The following FYB1 variants were observed in gnomAD, a reference collection of about 807,000 sequenced individuals.
The protein encoded by FYB1 is FYN-binding protein 1.
A neutral mutation model predicts 94.1 loss-of-function variants in FYB1; 41 were observed. The observed-to-expected ratio is 0.44, with a 90% CI of 0.34 to 0.57. The LOEUF (loss-of-function observed/expected upper bound fraction) is 0.57, where lower values mean the gene tolerates loss of function less well. Among genes scored for constraint, FYB1 ranks in the 20% least tolerant of loss-of-function variants. The pLI, the probability that FYB1 is intolerant of heterozygous loss-of-function variation, is 0.02. For missense variants in FYB1, 1,050 were observed against 976.8 expected (o/e 1.07, Z -1.00); for synonymous variants, 367 against 353.2 (o/e 1.04, Z -0.44).
chr5:39,262,808 G>A (rs992076040), intron 1 of FYB1, among the ~76,000 whole-genome samples: 14 of 151,726 alleles, frequency 9.2e-5, no homozygotes, highest in Non-Finnish European at 1.6e-4. Flanking sequence ...CAGAAATCAT[G>A]AAAAAAAATC....
intron 1 of FYB1, among the ~76,000 whole-genome samples, chr5:39,266,372 G>T (rs1444608891): frequency 6.6e-6 from 1 of 152,156 alleles, no homozygotes; most frequent in Non-Finnish European, 1.5e-5. Context: ...AGGTTGAGCT[G>T]GAACCCAGCA....
intron 2 of FYB1, among the ~76,000 whole-genome samples, chr5:39,191,620 A>G (rs1216732018): frequency 6.6e-6 from 1 of 152,198 alleles, no homozygotes; most frequent in African/African-American, 2.4e-5. Flanking sequence ...CCTTGGTGGC[A>G]ATTTAAACAA....
chr5:39,172,083 A>G (rs1038394336), intron 2 of FYB1, among the ~76,000 whole-genome samples: 6 of 151,828 alleles, frequency 4.0e-5, no homozygotes, highest in African/African-American at 1.5e-4. Context: ...TGAACCACCA[A>G]TTTTCTACAC....
intron 1 of FYB1, among the ~76,000 whole-genome samples, chr5:39,209,865 G>T (rs1749203496): frequency 6.6e-6 from 1 of 152,318 alleles, no homozygotes; most frequent in Non-Finnish European, 1.5e-5. Context: ...TGGGAGTGGA[G>T]GAGATGATTT....
upstream of FYB1, among the ~76,000 whole-genome samples, chr5:39,220,551 A>G (rs1237910772): frequency 2.0e-5 from 3 of 152,212 alleles, no homozygotes; most frequent in African/African-American, 4.8e-5. Flanking sequence ...AGAGGCTACC[A>G]TTGGGACTAA....
At chr5:39,241,129 G>T (rs1031954704) in intron 1 of FYB1, among the ~76,000 whole-genome samples, 6 of 152,114 alleles carry the variant, frequency 3.9e-5, no homozygotes, top group African/African-American at 1.4e-4. Context: ...AGTACACATG[G>T]ACTCAAAGAA....
chr5:39,268,218 G>A (rs1336977715), intron 1 of FYB1, among the ~76,000 whole-genome samples: 1 of 150,962 alleles, frequency 6.6e-6, no homozygotes, highest in Non-Finnish European at 1.5e-5. Context: ...TTTCATTTCT[G>A]TATATTTATA....
intron 1 of FYB1, among the ~76,000 whole-genome samples, chr5:39,228,267 G>A (rs1023487212): frequency 2.0e-5 from 3 of 152,188 alleles, no homozygotes; most frequent in Non-Finnish European, 4.4e-5. Flanking sequence ...AAATAGGCCT[G>A]AGGAACAATT....
At chr5:39,246,365 T>C (rs1751478206) in intron 1 of FYB1, among the ~76,000 whole-genome samples, 1 of 152,218 alleles carries the variant, frequency 6.6e-6, no homozygotes, top group Admixed American at 6.5e-5. Context: ...GGGCATATAT[T>C]ATATAATGAA....
rs761265081 is a variant in FYB1 at position 39,141,068 on chromosome 5, T to C, written c.1339+27A>G. 18 of 1,501,112 alleles carry C rather than the reference T, an allele frequency of 1.2e-5. No homozygotes were observed. The South Asian group carries it at 2.2e-4, about 18-fold the overall frequency. 93.0% of individuals were successfully genotyped at this position (1,501,112 alleles called of 1,614,324 possible). The stretch of plus-strand genomic sequence containing the variant: ...TTCTGTACCTGAGTTTACAAATAAA[T>C]AAATAAAATATGTTTTTGTCGTTTA... On this transcript the variant is annotated intron_variant, in intron 4 of 18. Coordinates refer to ENST00000512982, the MANE Select transcript of FYB1 (RefSeq NM_001465.6).
intron 2 of FYB1, among the ~76,000 whole-genome samples, chr5:39,164,280 G>A (rs1744518803): frequency 6.6e-6 from 1 of 152,150 alleles, no homozygotes; most frequent in African/African-American, 2.4e-5. Context: ...TGGGGCTCCA[G>A]CCCACTGTAA....
rs894802994 is a variant in FYB1 at position 39,244,328 on chromosome 5, T to G, written c.-28+30075A>C. ...TGAGGTACGTCCCATCAATACCTTA[T>G]TTATAGAGAGTTTTCAGCATGAAGG... On this transcript the variant is annotated intron_variant, in intron 1 of 1. Coordinates refer to the FYB1 transcript ENST00000510188. 3.9e-5 allele frequency among the ~76,000 whole-genome samples: 6 copies of G among 152,318 alleles called. No homozygotes were observed. In the East Asian group the frequency reaches 1.2e-3, roughly 29 times the overall value.
chr5:39,153,987 T>C (rs1743507483), intron 2 of FYB1, among the ~76,000 whole-genome samples: 1 of 152,142 alleles, frequency 6.6e-6, no homozygotes. Context: ...AGTCTTGATA[T>C]GTCACCCAGG....
At chr5:39,251,504 C>T (rs1751708877) in intron 1 of FYB1, among the ~76,000 whole-genome samples, 1 of 152,066 alleles carries the variant, frequency 6.6e-6, no homozygotes, top group Admixed American at 6.5e-5. Flanking sequence ...CCTGCCTTGA[C>T]CTTAAAGCCA....
At chr5:39,147,575 A>T (rs1340124412) in intron 3 of FYB1, among the ~76,000 whole-genome samples, 1 of 151,394 alleles carries the variant, frequency 6.6e-6, no homozygotes, top group Non-Finnish European at 1.5e-5. Flanking sequence ...GCTGATTCTC[A>T]CCTGTCTCGA....
In FYB1 at chr5:39,107,351, A is replaced by T; in HGVS notation, c.*92T>A. The T allele has an allele frequency of 1.2e-6, 1 of 817,114 alleles. No homozygotes were observed. Among genetic ancestry groups the T allele is most frequent in the East Asian group, 3.0e-5 (1 of 33,522 alleles). The allele number at this position is 817,114 out of a possible 1,614,324, so 50.6% of individuals were successfully genotyped here. A position where few individuals can be genotyped will look rare whatever the true frequency, so the allele number is the denominator to read the frequency against. On this transcript the variant is annotated 3_prime_UTR_variant, in exon 19 of 19. Coordinates refer to ENST00000512982, the MANE Select transcript of FYB1 (RefSeq NM_001465.6). ...CAAATGATAATAAGTGGTTTTGTGC[A>T]TTAATTTTCTTGATACCCAATAACA...
intron 2 of FYB1, among the ~76,000 whole-genome samples, chr5:39,192,929 C>T (rs114782770): frequency 2.0e-5 from 3 of 152,338 alleles, no homozygotes; most frequent in Non-Finnish European, 2.9e-5. Context: ...TTCCCCTTGT[C>T]GTGGCTCACT....
chr5:39,214,884 G>T (rs1397603876), intron 1 of FYB1, among the ~76,000 whole-genome samples: 3 of 152,234 alleles, frequency 2.0e-5, no homozygotes, highest in African/African-American at 7.2e-5. Flanking sequence ...AGCCAAGATC[G>T]CACCACTGCA....
intron 1 of FYB1, among the ~76,000 whole-genome samples, chr5:39,238,803 T>G (rs1021503897): frequency 2.6e-5 from 4 of 152,104 alleles, no homozygotes; most frequent in Admixed American, 1.3e-4. Flanking sequence ...TGAGGCTTCA[T>G]GTTTGTTTAC....
Sources: allele counts gnomAD v4.1 joint callset (sites outside exome capture counted in the v4.1 genomes callset), GRCh38; gene constraint gnomAD v4.1.1; transcripts MANE v1.5; gene names NCBI Gene and HGNC (gene_info 2026-07-23, HGNC 2026-07-21).